DNAI2: variants seen among roughly 807,000 people sequenced by gnomAD.
The protein encoded by DNAI2 is dynein axonemal intermediate chain 2.
DNAI2 carries 63 observed loss-of-function variants against 74.7 expected under a neutral mutation model. The ratio of observed to expected loss-of-function variants is 0.84; its 90% CI spans 0.69 to 1.04. The LOEUF is 1.04. Among genes scored for constraint, DNAI2 ranks in the 50% least tolerant of loss-of-function variants. The probability of loss-of-function intolerance (pLI) is 0.00; values close to 1 mark genes in which losing one functional copy is unlikely to be tolerated. For synonymous variants in DNAI2, 289 were observed against 314.9 expected (o/e 0.92, Z 0.87); for missense variants, 688 against 803.2 (o/e 0.86, Z 1.73).
intron 1 of DNAI2, among the ~76,000 whole-genome samples, chr17:74,277,216 G>A (rs1380655295): frequency 6.6e-6 from 1 of 152,008 alleles, no homozygotes; most frequent in Non-Finnish European, 1.5e-5. Flanking sequence ...CTGAAACCCT[G>A]TCTCTACTAA....
rs1030039977 is a variant in DNAI2, at chr17:74,300,092, G to T, written c.864+235G>T. Among the ~76,000 whole-genome samples the T allele has an allele frequency of 4.6e-5, 7 of 152,132 alleles. No homozygotes were observed. The highest frequency in any genetic ancestry group is 1.7e-4 in the African/African-American group (7 of 41,424). On this transcript the variant is annotated intron_variant, in intron 7 of 13. Transcript: ENST00000311014. The surrounding 1 kb of genome is among the most constrained non-coding windows in gnomAD (Gnocchi z 4.5). ...GCCTCCCAAGTAGCTGGGATTACAG[G>T]CGCCTGCCACTATGCCTGGTTAATT...
At chr17:74,288,489 GC>G (rs771179084) in intron 4 of DNAI2, among the ~76,000 whole-genome samples, 1 of 151,820 alleles carries the variant, frequency 6.6e-6, no homozygotes, top group Non-Finnish European at 1.5e-5. Flanking sequence ...ATGTTTACAT[GC>G]CTGATGTGAG....
intron 12 of DNAI2, among the ~76,000 whole-genome samples, chr17:74,312,640 G>T (rs966957453): frequency 6.6e-6 from 1 of 152,200 alleles, no homozygotes; most frequent in Non-Finnish European, 1.5e-5. Context: ...CGGTGTGCAC[G>T]TCATGCTGGC....
At chr17:74,285,445 G>C (rs567125298) in intron 3 of DNAI2, among the ~76,000 whole-genome samples, 3 of 152,242 alleles carry the variant, frequency 2.0e-5, no homozygotes, top group Non-Finnish European at 2.9e-5. Context: ...TCTGACCTTG[G>C]GCAAAGGTGA....
In DNAI2 at chr17:74,312,043, C is replaced by T. The variant is rs1395862121; in HGVS notation, c.1535C>T (p.Ala512Val). The T allele has an allele frequency of 6.2e-7, 1 of 1,612,066 alleles. No individual in the cohort carries two copies. The highest frequency in any genetic ancestry group is 1.7e-5 in the Admixed American group (1 of 60,024). Residue 512 changes from alanine (A) to valine (V), a missense_variant, in exon 12 of 14, where the codon GCC (alanine) becomes GTC (valine). Transcript: ENST00000311014. ...RETRREKILE[A>V]RHREMRLKEK... ...ACCCGGCGAGAGAAGATCCTGGAGGCCAGGCACCGGGAGATGCGGCTGAAG... is the reference window on the plus strand; with the variant it reads ...ACCCGGCGAGAGAAGATCCTGGAGGTCAGGCACCGGGAGATGCGGCTGAAG...
Position 74,285,180 on chromosome 17 carries a change from C to T in DNAI2, c.324C>T (p.Asn108=), listed in dbSNP as rs762726791. The T allele has an allele frequency of 3.6e-5, 58 of 1,614,066 alleles. No individual in the cohort carries two copies. Among genetic ancestry groups the T allele is most frequent in the East Asian group, 6.7e-5 (3 of 44,896 alleles). Residue 108 remains asparagine (N), a synonymous_variant, in exon 3 of 14, where the codon AAC becomes AAT. Coordinates refer to ENST00000311014, the MANE Select transcript of DNAI2 (RefSeq NM_023036.6). The part of the protein sequence containing the change: ...KKVEKDENYV[N]AIMQLGSIME... ...TGGAGAAAGATGAGAACTACGTTAACGCCATCATGCAGCTCGGCTCTGTAA... is the reference window on the plus strand; with the variant it reads ...TGGAGAAAGATGAGAACTACGTTAATGCCATCATGCAGCTCGGCTCTGTAA...
intron 1 of DNAI2, among the ~76,000 whole-genome samples, chr17:74,277,995 A>T (rs2143845547): frequency 6.6e-6 from 1 of 152,340 alleles, no homozygotes; most frequent in Admixed American, 6.5e-5. Flanking sequence ...CAGCATTGTG[A>T]TTTCACAAAG....
intron 12 of DNAI2, chr17:74,313,756 T>C (rs1445143349): frequency 3.2e-6 from 1 of 313,048 alleles, no homozygotes; most frequent in Non-Finnish European, 6.3e-6. Context: ...TGAAGCTGTT[T>C]TACATAGGCT....
At chr17:74,278,181 G>C (rs1319513995) in intron 1 of DNAI2, among the ~76,000 whole-genome samples, 2 of 151,968 alleles carry the variant, frequency 1.3e-5, no homozygotes, top group Non-Finnish European at 2.9e-5. Flanking sequence ...TATAATCCCA[G>C]CACTTTGGGA....
Position 74,314,233 on chromosome 17 carries a change from G to A in DNAI2, c.*17G>A, listed in dbSNP as rs755932648. The A allele has an allele frequency of 1.2e-6, 2 of 1,613,920 alleles. No individual in the cohort carries two copies. The highest frequency in any genetic ancestry group is 2.2e-5 in the East Asian group (1 of 44,872). On this transcript the variant is annotated 3_prime_UTR_variant, in exon 13 of 14. Transcript: ENST00000311014. The stretch of plus-strand genomic sequence containing the variant: ...TTAGCCTAGAAGTCAGCCTTCGACT[G>A]CGGCGCTATCCCTGTGTGCCTTCCT...
intron 9 of DNAI2, among the ~76,000 whole-genome samples, chr17:74,307,939 A>G (rs2053282491): frequency 6.6e-6 from 1 of 151,774 alleles, no homozygotes; most frequent in African/African-American, 2.4e-5. Flanking sequence ...CTGGGATTAC[A>G]GGCGCCCACC....
intron 6 of DNAI2, among the ~76,000 whole-genome samples, chr17:74,296,346 G>GAGA (rs371039062): frequency 1.2e-5 from 1 of 83,216 alleles, no homozygotes; most frequent in Non-Finnish European, 3.1e-5. Context: ...GAGAGAGAGA[G>GAGA]GAGAGAGAGA....
chr17:74,283,851 G>A (rs1026856250), intron 2 of DNAI2, among the ~76,000 whole-genome samples: 36 of 152,026 alleles, frequency 2.4e-4, no homozygotes, highest in Admixed American at 2.2e-3. Context: ...AGTCAAAGCT[G>A]TACTGGCCGG....
chr17:74,314,625 CG>C lies in DNAI2; in HGVS notation c.*95del. The C allele has an allele frequency of 4.3e-6, 1 of 234,590 alleles. No homozygotes were observed. The allele number at this position is 234,590 out of a possible 1,614,324, so 14.5% of individuals were successfully genotyped here. A position where few individuals can be genotyped will look rare whatever the true frequency, so the allele number is the denominator to read the frequency against. ...GACTTGCATGGCCATGGCAGGGCCT[CG>C]GGAAGACCTTCAGGAGTGGGGAAGG... On this transcript the variant is annotated 3_prime_UTR_variant, in exon 14 of 14. Coordinates refer to ENST00000311014, the MANE Select transcript of DNAI2 (RefSeq NM_023036.6).
chr17:74,285,227 C>A, intron 3 of DNAI2, 26 bp downstream of exon 3: 1 of 1,611,768 alleles, frequency 6.2e-7, no homozygotes, highest in Non-Finnish European at 8.5e-7. Context: ...GCCCCAGCTG[C>A]AAGAGCCCCA....
chr17:74,278,011 C>T (rs1425828371), intron 1 of DNAI2, among the ~76,000 whole-genome samples: 5 of 152,236 alleles, frequency 3.3e-5, no homozygotes, highest in African/African-American at 1.2e-4. Flanking sequence ...CAAAGCCCTG[C>T]AGGTGTTTCT....
At chr17:74,296,114 T>C (rs1308544010) in intron 6 of DNAI2, among the ~76,000 whole-genome samples, 1 of 152,186 alleles carries the variant, frequency 6.6e-6, no homozygotes, top group African/African-American at 2.4e-5. Flanking sequence ...ATATGTCAGA[T>C]CTTTTCAAAG....
intron 9 of DNAI2, among the ~76,000 whole-genome samples, chr17:74,308,804 A>G (rs2053331799): frequency 6.6e-6 from 1 of 152,008 alleles, no homozygotes; most frequent in African/African-American, 2.4e-5. Context: ...TTACAGGCAC[A>G]TGACCAGCCC....
intron 6 of DNAI2, among the ~76,000 whole-genome samples, chr17:74,291,830 G>A (rs1018647121): frequency 6.6e-6 from 1 of 151,922 alleles, no homozygotes; most frequent in Non-Finnish European, 1.5e-5. Context: ...GAGTTGGGAA[G>A]TATTCCCTTC....
Sources: gnomAD v4.1 joint callset for allele counts (sites outside exome capture counted in the v4.1 genomes callset) on GRCh38, gnomAD v4.1.1 for gene constraint, Gnocchi (gnomAD v3.1) non-coding constraint, MANE v1.5 for transcripts, NCBI Gene and HGNC (gene_info 2026-07-23, HGNC 2026-07-21) for gene names.